The following NAV3 variants were observed in gnomAD, a reference collection of about 807,000 sequenced individuals.
The protein encoded by NAV3 is neuron navigator 3.
In NAV3, 87 loss-of-function variants were observed where a neutral mutation model predicts 244.7. The observed-to-expected ratio is 0.36, with a 90% CI of 0.30 to 0.42. NAV3 has a LOEUF of 0.42. Among genes scored for constraint, NAV3 ranks in the 20% least tolerant of loss-of-function variants. The probability of loss-of-function intolerance (pLI) is 1.00; values close to 1 mark genes in which losing one functional copy is unlikely to be tolerated. For missense variants in NAV3, 2,663 were observed against 2,893.3 expected (o/e 0.92, Z 1.83); for synonymous variants, 1,126 against 1,042.2 (o/e 1.08, Z -1.55).
chr12:78,060,698 C>A (rs1884202240), intron 12 of NAV3, among the ~76,000 whole-genome samples: 1 of 151,942 alleles, frequency 6.6e-6, no homozygotes, highest in South Asian at 2.1e-4. Flanking sequence ...TAAGGTACTA[C>A]AAGGATGTTA....
chr12:77,594,866 C>T (rs1004251122), intron 2 of NAV3, among the ~76,000 whole-genome samples: 1 of 152,086 alleles, frequency 6.6e-6, no homozygotes, highest in Non-Finnish European at 1.5e-5. Context: ...TTACCAATAA[C>T]TGTAATACTT....
chr12:77,637,069 C>T (rs1272314173), intron 2 of NAV3, among the ~76,000 whole-genome samples: 1 of 151,968 alleles, frequency 6.6e-6, no homozygotes, highest in Admixed American at 6.6e-5. Flanking sequence ...CAGCAAACCA[C>T]CATGGCACAT....
chr12:77,817,543 T>C (rs1872570162), intron 2 of NAV3, among the ~76,000 whole-genome samples: 2 of 152,142 alleles, frequency 1.3e-5, no homozygotes, highest in East Asian at 1.9e-4. Context: ...AACTATGCTT[T>C]TTTTTTTAAA....
intron 2 of NAV3, among the ~76,000 whole-genome samples, chr12:77,718,724 C>T (rs1876476633): frequency 6.6e-6 from 1 of 151,994 alleles, no homozygotes; most frequent in Non-Finnish European, 1.5e-5. Context: ...ATGGCATGAT[C>T]TCGGCTCACT....
intron 18 of NAV3, among the ~76,000 whole-genome samples, chr12:78,136,040 T>G (rs1956358869): frequency 6.6e-6 from 1 of 152,170 alleles, no homozygotes; most frequent in African/African-American, 2.4e-5. Flanking sequence ...TGTGAGATAC[T>G]TCTCTCCGGT....
chr12:77,825,921 A>G (rs989309616), upstream of NAV3, among the ~76,000 whole-genome samples: 4 of 152,226 alleles, frequency 2.6e-5, no homozygotes, highest in African/African-American at 9.6e-5. Flanking sequence ...AAGCACACAC[A>G]TGAAAAGATA....
At chr12:77,963,152 A>C (rs547244196) in intron 3 of NAV3, among the ~76,000 whole-genome samples, 1 of 152,308 alleles carries the variant, frequency 6.6e-6, no homozygotes, top group Non-Finnish European at 1.5e-5. Context: ...TTTAGTTAAA[A>C]AAATTGACAT....
At chr12:77,670,200 A>G (rs1246896885) in intron 2 of NAV3, among the ~76,000 whole-genome samples, 1 of 152,150 alleles carries the variant, frequency 6.6e-6, no homozygotes, top group East Asian at 1.9e-4. Context: ...CCTAGAGGAG[A>G]TGAATAAATT....
At position 78,169,723 on chromosome 12, in the gene NAV3, T is replaced by C. The variant is rs537978126; in HGVS notation, c.4981+857T>C. On this transcript the variant is annotated intron_variant, in intron 24 of 39. Transcript: ENST00000397909. ...GGAGTGTAGCTCCTTTTCCCTCCAC[T>C]CCACCAAAACAATGCTCTCCAGGAT... Among the ~76,000 whole-genome samples the C allele has an allele frequency of 2.6e-5, 4 of 151,796 alleles. No individual in the cohort carries two copies. The East Asian group carries it at 7.8e-4, about 29-fold the overall frequency.
rs1338079552 is a variant in NAV3, at chr12:78,119,905, G to A, written c.3709G>A (p.Gly1237Arg). Residue 1237 changes from glycine (G) to arginine (R), a missense_variant, in exon 15 of 40, where the codon GGA becomes AGA. By Grantham distance (125) the Gly-to-Arg change is moderately radical (BLOSUM62 -2). This residue lies in a region of NAV3 where 354 missense variants were observed against 413.0 expected (regional missense o/e 0.86). Coordinates refer to ENST00000397909, the MANE Select transcript of NAV3 (RefSeq NM_001024383.2). Reference sequence around the variant, plus strand: ...TGGTGCACAAGGTCTCAGGCAGCCAGGATCCAAGTATCCAGATATTGCCTC... The same window carrying A: ...TGGTGCACAAGGTCTCAGGCAGCCAAGATCCAAGTATCCAGATATTGCCTC... The part of the protein sequence containing the change: ...ACGAQGLRQP[G>R]SKYPDIASPT... 2.0e-5 allele frequency: 33 copies of A among 1,613,890 alleles called. No individual in the cohort carries two copies. Among genetic ancestry groups the A allele is most frequent in the Non-Finnish European group, 2.7e-5 (32 of 1,179,984 alleles).
intron 2 of NAV3, among the ~76,000 whole-genome samples, chr12:77,790,637 TA>T (rs1871137858): frequency 6.6e-6 from 1 of 152,284 alleles, no homozygotes; most frequent in African/African-American, 2.4e-5. Context: ...GGACTTCTCT[TA>T]ACTCTTGCTT....
At chr12:77,641,367 G>C (rs921001965) in intron 2 of NAV3, among the ~76,000 whole-genome samples, 1 of 151,990 alleles carries the variant, frequency 6.6e-6, no homozygotes, top group African/African-American at 2.4e-5. Flanking sequence ...CCTCAGTCAA[G>C]ACATTAATTT....
intron 1 of NAV3, among the ~76,000 whole-genome samples, chr12:77,846,031 G>T (rs1876579811): frequency 6.6e-6 from 1 of 152,142 alleles, no homozygotes; most frequent in South Asian, 2.1e-4. Context: ...AGCACATAAA[G>T]ATTACTGATC....
At chr12:77,928,840 G>A (rs1450824754) in intron 1 of NAV3, among the ~76,000 whole-genome samples, 2 of 152,130 alleles carry the variant, frequency 1.3e-5, no homozygotes, top group African/African-American at 2.4e-5. Context: ...AAATGCAGTT[G>A]CAAATGAAAA....
At chr12:77,675,601 C>T (rs566792272) in intron 2 of NAV3, among the ~76,000 whole-genome samples, 1 of 152,278 alleles carries the variant, frequency 6.6e-6, no homozygotes, top group Non-Finnish European at 1.5e-5. Flanking sequence ...CTGACCATCA[C>T]ACCAATGCAA....
intron 2 of NAV3, among the ~76,000 whole-genome samples, chr12:77,735,645 G>T (rs570451885): frequency 6.6e-6 from 1 of 151,824 alleles, no homozygotes; most frequent in African/African-American, 2.4e-5. Flanking sequence ...TTATCACTAT[G>T]ATCATAAAAA....
At chr12:77,639,610 T>A (rs1428233538) in intron 2 of NAV3, among the ~76,000 whole-genome samples, 1 of 152,052 alleles carries the variant, frequency 6.6e-6, no homozygotes, top group Non-Finnish European at 1.5e-5. Context: ...GTACACACAT[T>A]TATTATTTGT....
intron 1 of NAV3, among the ~76,000 whole-genome samples, chr12:77,835,087 A>G (rs1014305890): frequency 6.6e-6 from 1 of 152,038 alleles, no homozygotes; most frequent in African/African-American, 2.4e-5. Flanking sequence ...GGAAGTTGTC[A>G]GGGAACCAGG....
rs542224826 is a variant in NAV3, at chr12:78,158,629, T to C, written c.4786-574T>C. Among the ~76,000 whole-genome samples, 9 of 152,298 alleles carry C rather than the reference T, an allele frequency of 5.9e-5. No homozygotes were observed. In the East Asian group the frequency reaches 1.4e-3, roughly 23 times the overall value. ...AATATGAAGTAGAAAAGCCCTTTTA[T>C]TGAAAAGAGTTTGGAAAGTAAAGAT... is the stretch of plus-strand genomic sequence containing the variant. On this transcript the variant is annotated intron_variant, in intron 22 of 39. Coordinates refer to ENST00000397909, the MANE Select transcript of NAV3 (RefSeq NM_001024383.2).
Sources: allele counts gnomAD v4.1 joint callset (sites outside exome capture counted in the v4.1 genomes callset), GRCh38; gene constraint gnomAD v4.1.1; regional missense constraint gnomAD v4.1.1; transcripts MANE v1.5; gene names NCBI Gene and HGNC (gene_info 2026-07-23, HGNC 2026-07-21).